GPC6: variants seen among roughly 807,000 people sequenced by gnomAD.
The protein encoded by GPC6 is glypican-6.
Under a neutral mutation model 55.2 loss-of-function variants are expected in GPC6, and 14 were observed. The ratio of observed to expected loss-of-function variants is 0.25; its 90% confidence interval spans 0.17 to 0.40. The LOEUF (loss-of-function observed/expected upper bound fraction) is 0.40. Ranked by LOEUF, GPC6 falls within the 10% of genes least tolerant of loss-of-function variation. GPC6 has a pLI of 1.00. For missense variants in GPC6, 641 were observed against 708.5 expected (o/e 0.90, Z 1.08); for synonymous variants, 278 against 259.6 (o/e 1.07, Z -0.68).
intron 2 of GPC6, among the ~76,000 whole-genome samples, chr13:93,581,970 T>A (rs1210671850): frequency 1.3e-5 from 2 of 152,178 alleles, no homozygotes; most frequent in African/African-American, 4.8e-5. Context: ...TCAGGGGTTG[T>A]TAAGAGCTTA....
At chr13:94,271,208 G>C (rs1276070784) in intron 4 of GPC6, among the ~76,000 whole-genome samples, 1 of 151,260 alleles carries the variant, frequency 6.6e-6, no homozygotes, top group Non-Finnish European at 1.5e-5. Flanking sequence ...AGCCAGGATG[G>C]TCTCGATCTC....
At chr13:93,463,464 T>G (rs573979138) in intron 1 of GPC6, among the ~76,000 whole-genome samples, 51 of 152,324 alleles carry the variant, frequency 3.3e-4, no homozygotes, top group African/African-American at 1.2e-3. Flanking sequence ...GCACCGTTCT[T>G]AGTGTGATTC....
At chr13:93,930,854 A>G (rs1189515814) in intron 3 of GPC6, among the ~76,000 whole-genome samples, 1 of 152,150 alleles carries the variant, frequency 6.6e-6, no homozygotes, top group Non-Finnish European at 1.5e-5. Flanking sequence ...TCACAATTCT[A>G]TGGGCTGTAC....
chr13:93,712,902 A>C (rs1265201760), intron 2 of GPC6, among the ~76,000 whole-genome samples: 1 of 151,572 alleles, frequency 6.6e-6, no homozygotes, highest in Admixed American at 6.6e-5. Flanking sequence ...GTATTTTAAA[A>C]ATTGCTAATG....
chr13:94,287,111 T>G (rs561760945), intron 5 of GPC6, among the ~76,000 whole-genome samples: 24 of 152,292 alleles, frequency 1.6e-4, no homozygotes, highest in African/African-American at 5.3e-4. Context: ...CTCCACCCAG[T>G]TGAAGATAAA....
At chr13:93,261,634 G>C (rs1188547130) in intron 1 of GPC6, among the ~76,000 whole-genome samples, 2 of 152,168 alleles carry the variant, frequency 1.3e-5, no homozygotes, top group East Asian at 3.9e-4. Context: ...TGTAAATCCA[G>C]CACTCCAGAA....
chr13:93,410,530 T>C lies in GPC6; in HGVS notation c.161-134733T>C, dbSNP rs144984111. On this transcript the variant is annotated intron_variant, in intron 1 of 8. Coordinates refer to ENST00000377047, the MANE Select transcript of GPC6 (RefSeq NM_005708.5). The stretch of plus-strand genomic sequence containing the variant: ...AATGATTTACACAGAGTTTGTCCCT[T>C]TAATACCTTGCAAAGAGTCAGGCAG... Among the ~76,000 whole-genome samples, 270 of 152,288 alleles carry C rather than the reference T, an allele frequency of 1.8e-3. 1 individual carries two copies. The highest frequency in any genetic ancestry group is 6.2e-3 in the African/African-American group (257 of 41,568).
intron 3 of GPC6, among the ~76,000 whole-genome samples, chr13:93,912,152 T>C (rs185061374): frequency 6.6e-6 from 1 of 152,312 alleles, no homozygotes; most frequent in East Asian, 1.9e-4. Context: ...TGAAAATATA[T>C]GGGTATATGA....
intron 1 of GPC6, among the ~76,000 whole-genome samples, chr13:93,324,783 T>C (rs1208498141): frequency 6.6e-6 from 1 of 151,894 alleles, no homozygotes; most frequent in Non-Finnish European, 1.5e-5. Context: ...CTAAGGCACA[T>C]GGAATCTGGA....
At chr13:93,970,829 A>T (rs1282689567) in intron 3 of GPC6, among the ~76,000 whole-genome samples, 2 of 152,216 alleles carry the variant, frequency 1.3e-5, no homozygotes, top group South Asian at 4.1e-4. Flanking sequence ...CAAAGGAAAG[A>T]TGTGCAGAAG....
chr13:94,042,663 A>G (rs1418854208), intron 4 of GPC6, among the ~76,000 whole-genome samples: 2 of 151,608 alleles, frequency 1.3e-5, no homozygotes, highest in African/African-American at 2.4e-5. Flanking sequence ...GGTATTTTTC[A>G]CTGTAGAGTT....
intron 2 of GPC6, among the ~76,000 whole-genome samples, chr13:93,707,688 G>C (rs1461564636): frequency 6.6e-6 from 1 of 151,752 alleles, no homozygotes; most frequent in Admixed American, 6.6e-5. Flanking sequence ...TTATAGTGGA[G>C]ACCTTTCTTT....
intron 3 of GPC6, among the ~76,000 whole-genome samples, chr13:93,850,043 A>ATGCTC (rs1888341073): frequency 1.3e-5 from 2 of 152,094 alleles, no homozygotes; most frequent in African/African-American, 4.8e-5. Flanking sequence ...CATGAGTAAA[A>ATGCTC]AAAGGCTGTT....
intron 4 of GPC6, among the ~76,000 whole-genome samples, chr13:94,229,102 A>AT (rs1417836015): frequency 1.3e-5 from 2 of 152,226 alleles, no homozygotes; most frequent in Non-Finnish European, 2.9e-5. Context: ...GAGAATGAAG[A>AT]TTCATGCTGA....
chr13:93,880,605 C>A (rs1370363408), intron 3 of GPC6, among the ~76,000 whole-genome samples: 1 of 151,966 alleles, frequency 6.6e-6, no homozygotes, highest in Non-Finnish European at 1.5e-5. Context: ...GGGAGATATA[C>A]CCAATGCTAG....
intron 4 of GPC6, among the ~76,000 whole-genome samples, chr13:94,053,859 T>C (rs1884040867): frequency 6.6e-6 from 1 of 152,164 alleles, no homozygotes; most frequent in Non-Finnish European, 1.5e-5. Context: ...ATACTTATAT[T>C]CAGAAAAGCT....
At chr13:93,423,619 G>T (rs4773747) in intron 1 of GPC6, among the ~76,000 whole-genome samples, 6 of 151,932 alleles carry the variant, frequency 3.9e-5, no homozygotes, top group Non-Finnish European at 7.4e-5. Context: ...AGTTGGACTT[G>T]ATCGTCTCTC....
At chr13:94,111,473 TATAATA>T (rs149246452) in intron 4 of GPC6, among the ~76,000 whole-genome samples, 68,755 of 144,180 alleles carry the variant, frequency 0.48, 16,713 homozygotes, top group Non-Finnish European at 0.53. Flanking sequence ...TTAAAGTAAA[TATAATA>T]ATAATAATAA....
chr13:93,249,742 T>C (rs895104097), intron 1 of GPC6, among the ~76,000 whole-genome samples: 2 of 152,194 alleles, frequency 1.3e-5, no homozygotes, highest in Non-Finnish European at 2.9e-5. Flanking sequence ...CATTCCTCAC[T>C]CCAGGAAATG....
Sources: allele counts gnomAD v4.1 joint callset (sites outside exome capture counted in the v4.1 genomes callset), GRCh38; gene constraint gnomAD v4.1.1; transcripts MANE v1.5; gene names NCBI Gene and HGNC (gene_info 2026-07-23, HGNC 2026-07-21).